The following RCVRN variants were observed in gnomAD, a reference collection of about 807,000 sequenced individuals.
RCVRN encodes the protein recoverin.
In RCVRN, 23 loss-of-function variants were observed where a neutral mutation model predicts 20.4. That is an observed-to-expected ratio of 1.13 (90% CI 0.81 to 1.60). The LOEUF is 1.60. Ranked by LOEUF, RCVRN falls within the 40% of genes most tolerant of loss-of-function variation. RCVRN has a pLI of 0.00. For missense variants in RCVRN, 254 were observed against 254.2 expected, an observed-to-expected ratio of 1.00 and a Z score of 0.00; for synonymous variants, 105 against 105.9, an observed-to-expected ratio of 0.99 and a Z score of 0.05.
At position 9,897,826 on chromosome 17, in the gene RCVRN, G is replaced by A. The variant is rs1409938695; in HGVS notation, c.*269C>T. 8.7e-5 allele frequency: 39 copies of A among 446,960 alleles called. No individual in the cohort carries two copies. Among genetic ancestry groups the A allele is most frequent in the Non-Finnish European group, 1.2e-4 (29 of 246,250 alleles). 27.7% of individuals were successfully genotyped at this position (446,960 alleles called of 1,614,324 possible). On this transcript the variant is annotated 3_prime_UTR_variant, in exon 3 of 3. Transcript: ENST00000226193. ...ATCCTGGGATTAGCACAGGGCCATG[G>A]GCTGGTGGACAGAGGGAGGGGTGGG...
At chr17:9,903,447 C>G (rs1422991984) in intron 1 of RCVRN, among the ~76,000 whole-genome samples, 1 of 152,196 alleles carries the variant, frequency 6.6e-6, no homozygotes, top group African/African-American at 2.4e-5. Context: ...GAAGCGGGGG[C>G]TCATGCGTGG....
chr17:9,898,402 G>A (rs1413785876), intron 2 of RCVRN, among the ~76,000 whole-genome samples, 198 bp from the exon 3 acceptor site: 1 of 152,090 alleles, frequency 6.6e-6, no homozygotes, highest in Non-Finnish European at 1.5e-5. Flanking sequence ...CATGACCCTT[G>A]GAGCTCCCTG....
chr17:9,899,012 C>A lies in RCVRN; in HGVS notation c.494-808G>T, dbSNP rs577041838. Among the ~76,000 whole-genome samples, 1 of 152,262 alleles carries A rather than the reference C, an allele frequency of 6.6e-6. No homozygotes were observed. Among genetic ancestry groups the A allele is most frequent in the Admixed American group, 6.5e-5 (1 of 15,302 alleles). ...GCCACTGTGCTTGGAGCCAAGGCCA[C>A]CACAGGGAGCGGAGGCGGGGTGTAC... On this transcript the variant is annotated intron_variant, in intron 2 of 2. Transcript: ENST00000226193. The surrounding 1 kb of genome is among the most constrained non-coding windows in gnomAD (Gnocchi z 4.6).
chr17:9,903,961 C>T (rs934239748), intron 1 of RCVRN, among the ~76,000 whole-genome samples: 6 of 152,098 alleles, frequency 3.9e-5, no homozygotes, highest in Non-Finnish European at 5.9e-5. Context: ...AAAAATGGGC[C>T]GGGCACAGTG....
chr17:9,900,043 T>TAA (rs148974053), intron 2 of RCVRN, among the ~76,000 whole-genome samples: 3 of 151,434 alleles, frequency 2.0e-5, no homozygotes, highest in African/African-American at 7.3e-5. Context: ...TGGCTTCTCT[T>TAA]AAAAAAAAAT....
At chr17:9,901,821 C>G (rs2067343153) in intron 1 of RCVRN, among the ~76,000 whole-genome samples, 1 of 152,222 alleles carries the variant, frequency 6.6e-6, no homozygotes, top group Admixed American at 6.5e-5. Flanking sequence ...CACCCTGGGC[C>G]CAGGAAGGTT....
intron 2 of RCVRN, among the ~76,000 whole-genome samples, chr17:9,900,376 G>A (rs1217717620): frequency 2.0e-5 from 3 of 150,038 alleles, no homozygotes; most frequent in South Asian, 4.1e-4. Context: ...GACAGGGCAG[G>A]GGCACCAAGA....
chr17:9,897,785 G>C lies in RCVRN; in HGVS notation c.*310C>G. 2 of 275,226 alleles carry C rather than the reference G, an allele frequency of 7.3e-6. No individual in the cohort carries two copies. Among genetic ancestry groups the C allele is most frequent in the African/African-American group, 4.4e-5 (2 of 45,778 alleles). The allele number at this position is 275,226 out of a possible 1,614,324, so 17.0% of individuals were successfully genotyped here. A position where few individuals can be genotyped will look rare whatever the true frequency, so the allele number is the denominator to read the frequency against. ...GGAGCTTACAGCGGGGTGACACTTAGGACTCCTATGGCCTAATCCTGGGAT... is the reference window on the plus strand; with the variant it reads ...GGAGCTTACAGCGGGGTGACACTTACGACTCCTATGGCCTAATCCTGGGAT... On this transcript the variant is annotated 3_prime_UTR_variant, in exon 3 of 3. Coordinates refer to ENST00000226193, the MANE Select transcript of RCVRN (RefSeq NM_002903.3).
rs992086597 is a variant in RCVRN at position 9,899,753 on chromosome 17, C to T, written c.493+1236G>A. Among the ~76,000 whole-genome samples the T allele has an allele frequency of 6.6e-6, 1 of 152,112 alleles. No homozygotes were observed. The highest frequency in any genetic ancestry group is 1.5e-5 in the Non-Finnish European group (1 of 68,026). On this transcript the variant is annotated intron_variant, in intron 2 of 2. Transcript: ENST00000226193. The surrounding 1 kb of genome is among the most constrained non-coding windows in gnomAD (Gnocchi z 4.6). ...CAGGTCCTGTGAGTGCATTGTTGACCCCTGAGAACGAGCGCCTCCTTAAAT... is the reference window on the plus strand; with the variant it reads ...CAGGTCCTGTGAGTGCATTGTTGACTCCTGAGAACGAGCGCCTCCTTAAAT...
chr17:9,903,155 T>A (rs984396753), intron 1 of RCVRN, among the ~76,000 whole-genome samples: 8 of 152,242 alleles, frequency 5.3e-5, no homozygotes, highest in Admixed American at 4.6e-4. Context: ...TATACTGATA[T>A]ACTAAGAAAA....
intron 1 of RCVRN, among the ~76,000 whole-genome samples, chr17:9,902,117 CT>C (rs1352416025): frequency 6.6e-6 from 1 of 151,672 alleles, no homozygotes; most frequent in Admixed American, 6.6e-5. Flanking sequence ...CCCTCTCTCC[CT>C]CCCTCATTTC....
Position 9,897,786 on chromosome 17 carries a change from G to T in RCVRN, c.*309C>A. 1 of 275,914 alleles carries T rather than the reference G, an allele frequency of 3.6e-6. No individual in the cohort carries two copies. The highest frequency in any genetic ancestry group is 6.8e-6 in the Non-Finnish European group (1 of 146,214). 17.1% of individuals were successfully genotyped at this position (275,914 alleles called of 1,614,324 possible). ...GAGCTTACAGCGGGGTGACACTTAGGACTCCTATGGCCTAATCCTGGGATT... is the reference window on the plus strand; with the variant it reads ...GAGCTTACAGCGGGGTGACACTTAGTACTCCTATGGCCTAATCCTGGGATT... On this transcript the variant is annotated 3_prime_UTR_variant, in exon 3 of 3. Coordinates refer to ENST00000226193, the MANE Select transcript of RCVRN (RefSeq NM_002903.3).
chr17:9,900,406 C>T, intron 2 of RCVRN, among the ~76,000 whole-genome samples: 1 of 145,102 alleles, frequency 6.9e-6, no homozygotes, highest in Non-Finnish European at 1.5e-5. Flanking sequence ...GCACTGAGGA[C>T]ACCCCATCGA....
chr17:9,900,271 T>A (rs2067335434), intron 2 of RCVRN, among the ~76,000 whole-genome samples: 2 of 152,134 alleles, frequency 1.3e-5, no homozygotes, highest in Admixed American at 6.5e-5. Context: ...GCCGTAAGCA[T>A]CACAGACACA....
At position 9,898,112 on chromosome 17, in the gene RCVRN, T is replaced by C; in HGVS notation, c.586A>G (p.Lys196Glu). 1 of 1,613,650 alleles carries C rather than the reference T, an allele frequency of 6.2e-7. No individual in the cohort carries two copies. The highest frequency in any genetic ancestry group is 8.5e-7 in the Non-Finnish European group (1 of 1,179,556). ...AGTTGGCATCAGGCGTTCTTCATCT[T>C]TTCCTTCACTTTTTGAGGCTCAAAC... is the stretch of plus-strand genomic sequence containing the variant. ...IQFEPQKVKE[K>E]MKNA Residue 196 changes from lysine (K) to glutamate (E), a missense_variant, in exon 3 of 3, where the codon AAG (lysine) becomes GAG (glutamate). Transcript: ENST00000226193.
At position 9,897,839 on chromosome 17, in the gene RCVRN, A is replaced by C; in HGVS notation, c.*256T>G. The C allele has an allele frequency of 2.2e-6, 1 of 463,240 alleles. No individual in the cohort carries two copies. 28.7% of individuals were successfully genotyped at this position (463,240 alleles called of 1,614,324 possible). A position where few individuals can be genotyped will look rare whatever the true frequency, so the allele number is the denominator to read the frequency against. On this transcript the variant is annotated 3_prime_UTR_variant, in exon 3 of 3. Coordinates refer to ENST00000226193, the MANE Select transcript of RCVRN (RefSeq NM_002903.3). ...CACAGGGCCATGGGCTGGTGGACAG[A>C]GGGAGGGGTGGGACCGGGCATGATG...
chr17:9,902,403 C>G (rs572813718), intron 1 of RCVRN, among the ~76,000 whole-genome samples: 2 of 152,218 alleles, frequency 1.3e-5, no homozygotes, highest in South Asian at 2.1e-4. Flanking sequence ...ATGATTTCTC[C>G]TAATAACTGT....
chr17:9,905,042 G>C lies in RCVRN; in HGVS notation c.139C>G (p.Gln47Glu). The change falls in exon 1 of 3, where the codon CAG becomes GAG. Residue 47 changes from glutamine (Q) to glutamate (E), a missense_variant. Physicochemically the swap from Gln to Glu is conservative, Grantham distance 29 (BLOSUM62 2). Coordinates refer to ENST00000226193, the MANE Select transcript of RCVRN (RefSeq NM_002903.3). ...KDCPTGRITQ[Q>E]QFQSIYAKFF... ...TTGGCGTAGATGCTCTGGAACTGCT[G>C]CTGGGTGATGCGGCCGGTGGGACAG... 6.2e-7 allele frequency: 1 copy of C among 1,613,656 alleles called. No individual in the cohort carries two copies. Among genetic ancestry groups the C allele is most frequent in the South Asian group, 1.1e-5 (1 of 91,010 alleles).
chr17:9,903,362 G>A (rs141180325), intron 1 of RCVRN, among the ~76,000 whole-genome samples: 26 of 152,338 alleles, frequency 1.7e-4, no homozygotes, highest in African/African-American at 5.8e-4. Flanking sequence ...GGGAGAAGGC[G>A]TGTTGGGAAC....
Sources: allele counts gnomAD v4.1 joint callset (sites outside exome capture counted in the v4.1 genomes callset), GRCh38; gene constraint gnomAD v4.1.1; non-coding constraint Gnocchi (gnomAD v3.1); transcripts MANE v1.5; gene names NCBI Gene and HGNC (gene_info 2026-07-23, HGNC 2026-07-21).